The following AKT3 variants were observed in gnomAD, a reference collection of about 807,000 sequenced individuals.
AKT3 encodes RAC-gamma serine/threonine-protein kinase.
Under a neutral mutation model 65.3 loss-of-function variants are expected in AKT3, and 15 were observed. The ratio of observed to expected loss-of-function variants is 0.23; its 90% CI spans 0.15 to 0.35. The LOEUF (loss-of-function observed/expected upper bound fraction) is 0.35, where lower values mean the gene tolerates loss of function less well. Among genes scored for constraint, AKT3 ranks in the 10% least tolerant of loss-of-function variants. AKT3 has a pLI of 1.00. For synonymous variants in AKT3, 206 were observed against 183.8 expected (o/e 1.12, Z -0.98); for missense variants, 243 against 576.5 (o/e 0.42, Z 5.92).
At chr1:243,634,132 A>C (rs745784262) in intron 6 of AKT3, among the ~76,000 whole-genome samples, 4 of 152,104 alleles carry the variant, frequency 2.6e-5, no homozygotes, top group Admixed American at 1.3e-4. Context: ...ATTTGCATAT[A>C]ATCTATGCAC....
intron 2 of AKT3, among the ~76,000 whole-genome samples, chr1:243,784,465 T>G (rs546347652): frequency 6.6e-6 from 1 of 151,804 alleles, no homozygotes; most frequent in Admixed American, 6.6e-5. Context: ...AAAAACAAAT[T>G]TAGGTCCTAA....
At chr1:243,580,562 C>T (rs922929008) in intron 8 of AKT3, among the ~76,000 whole-genome samples, 4 of 152,186 alleles carry the variant, frequency 2.6e-5, no homozygotes, top group African/African-American at 9.7e-5. Flanking sequence ...GGGATAGGGG[C>T]TTCACAGTCA....
At chr1:243,489,860 G>C (rs1275357247) in intron 13 of AKT3, among the ~76,000 whole-genome samples, 4 of 152,192 alleles carry the variant, frequency 2.6e-5, no homozygotes, top group Non-Finnish European at 2.9e-5. Context: ...CAGGGAAAAG[G>C]GAGGAAGGAA....
At chr1:243,564,848 G>C (rs779369949) in intron 9 of AKT3, among the ~76,000 whole-genome samples, 7 of 152,130 alleles carry the variant, frequency 4.6e-5, no homozygotes, top group African/African-American at 1.4e-4. Flanking sequence ...ACTTTTATTT[G>C]AGGAGTAGAT....
intron 3 of AKT3, among the ~76,000 whole-genome samples, chr1:243,671,890 T>C (rs930793983): frequency 6.6e-6 from 1 of 152,192 alleles, no homozygotes; most frequent in East Asian, 1.9e-4. Flanking sequence ...CCCAATCCCA[T>C]GCTCTTCTGA....
At chr1:243,649,212 T>C (rs1020188425) in intron 4 of AKT3, among the ~76,000 whole-genome samples, 1 of 152,060 alleles carries the variant, frequency 6.6e-6, no homozygotes, top group Non-Finnish European at 1.5e-5. Context: ...CTGTTATTGA[T>C]TTCTAATTAA....
chr1:243,764,591 T>C (rs989379369), intron 2 of AKT3, among the ~76,000 whole-genome samples: 4 of 152,074 alleles, frequency 2.6e-5, no homozygotes, highest in African/African-American at 9.7e-5. Context: ...ATTTTAAATA[T>C]AAATTGTTAA....
chr1:243,536,534 T>C (rs1671945298), intron 12 of AKT3, among the ~76,000 whole-genome samples: 1 of 152,224 alleles, frequency 6.6e-6, no homozygotes, highest in African/African-American at 2.4e-5. Context: ...CAAATTATTA[T>C]TGTTGCCTCT....
At chr1:243,537,744 C>T (rs1672030085) in intron 12 of AKT3, among the ~76,000 whole-genome samples, 1 of 152,184 alleles carries the variant, frequency 6.6e-6, no homozygotes, top group African/African-American at 2.4e-5. Flanking sequence ...TTTCAAGAAG[C>T]CGCAGTGTAT....
chr1:243,493,222 G>A (rs1667005984), intron 13 of AKT3, among the ~76,000 whole-genome samples: 2 of 149,362 alleles, frequency 1.3e-5, no homozygotes, highest in African/African-American at 2.5e-5. Context: ...AACCTTGGTG[G>A]TGGGGGTGGG....
chr1:243,623,217 C>A (rs1046661093), intron 6 of AKT3, among the ~76,000 whole-genome samples: 3 of 152,158 alleles, frequency 2.0e-5, no homozygotes, highest in South Asian at 2.1e-4. Flanking sequence ...ATCTGAGCAT[C>A]TCAGGGCAGT....
At chr1:243,647,565 T>G (rs1006057451) in intron 4 of AKT3, among the ~76,000 whole-genome samples, 2 of 152,236 alleles carry the variant, frequency 1.3e-5, no homozygotes, top group African/African-American at 2.4e-5. Flanking sequence ...CTAATTGTAC[T>G]TATTAGTATT....
chr1:243,574,828 T>C (rs932412734), intron 8 of AKT3, among the ~76,000 whole-genome samples: 15 of 152,120 alleles, frequency 9.9e-5, no homozygotes, highest in Admixed American at 5.2e-4. Context: ...TCTAATGAGA[T>C]GAAAATAGTG....
intron 12 of AKT3, among the ~76,000 whole-genome samples, chr1:243,526,226 A>C (rs1671067003): frequency 6.6e-6 from 1 of 152,142 alleles, no homozygotes; most frequent in Non-Finnish European, 1.5e-5. Context: ...TGGAATCTAG[A>C]AGCACAAGCT....
chr1:243,592,476 A>T (rs376978181), intron 8 of AKT3, among the ~76,000 whole-genome samples: 6 of 152,246 alleles, frequency 3.9e-5, no homozygotes, highest in African/African-American at 1.4e-4. Flanking sequence ...ACCACAGAAA[A>T]AAAGACACAT....
chr1:243,732,189 A>T (rs1328737662), intron 2 of AKT3, among the ~76,000 whole-genome samples: 1 of 152,190 alleles, frequency 6.6e-6, no homozygotes, highest in Non-Finnish European at 1.5e-5. Context: ...TGCAGCCAAG[A>T]GCCCAGAACG....
intron 2 of AKT3, among the ~76,000 whole-genome samples, chr1:243,825,180 C>A (rs1169780396): frequency 6.6e-6 from 1 of 152,148 alleles, no homozygotes; most frequent in South Asian, 2.1e-4. Context: ...CATGTTCTCA[C>A]TTCTAAGTGG....
intron 10 of AKT3, among the ~76,000 whole-genome samples, chr1:243,562,252 T>A (rs552217510): frequency 6.6e-6 from 1 of 152,264 alleles, no homozygotes; most frequent in East Asian, 1.9e-4. Context: ...ATGATTCCAT[T>A]TGTATGAACT....
chr1:243,703,185 T>C (rs1220565950), intron 2 of AKT3: 1 of 152,076 alleles, frequency 6.6e-6, no homozygotes, highest in Non-Finnish European at 1.5e-5. Flanking sequence ...TATGGCAAAA[T>C]CTTTTCTACT....
Sources: allele counts gnomAD v4.1 joint callset (sites outside exome capture counted in the v4.1 genomes callset), GRCh38; gene constraint gnomAD v4.1.1; transcripts MANE v1.5; gene names NCBI Gene and HGNC (gene_info 2026-07-23, HGNC 2026-07-21).